Variants in NFIX observed in about 807,000 individuals in gnomAD.
The protein encoded by NFIX is nuclear factor I X, also known as nuclear factor 1 X-type.
In NFIX, 2 loss-of-function variants were observed where a neutral mutation model predicts 53.3. That is an observed-to-expected ratio of 0.04 (90% CI 0.02 to 0.12). The LOEUF is 0.12. Among genes scored for constraint, NFIX ranks in the 10% least tolerant of loss-of-function variants. NFIX has a pLI of 1.00. For missense variants in NFIX, 310 were observed against 674.5 expected (o/e 0.46, Z 5.99); for synonymous variants, 244 against 289.0 (o/e 0.84, Z 1.58).
At position 13,021,804 on chromosome 19, in the gene NFIX, G is replaced by T. The variant is rs1761469000; in HGVS notation, c.28-3217G>T. ...ACCCTTTCTGCTTGCTGTGAGGAAG[G>T]TCCCCAAGTGGAGGACCAGAGCAGG... is the stretch of plus-strand genomic sequence containing the variant. On this transcript the variant is annotated intron_variant, in intron 1 of 10. Transcript: ENST00000592199. This position sits in a 1 kb window ranked among gnomAD's most constrained non-coding sequence, Gnocchi z 4.2. Among the ~76,000 whole-genome samples, 1 of 152,082 alleles carries T rather than the reference G, an allele frequency of 6.6e-6. No individual in the cohort carries two copies. Among genetic ancestry groups the T allele is most frequent in the Non-Finnish European group, 1.5e-5 (1 of 67,998 alleles).
At chr19:13,050,214 C>G (rs2015244429) in intron 2 of NFIX, among the ~76,000 whole-genome samples, 1 of 152,250 alleles carries the variant, frequency 6.6e-6, no homozygotes. Context: ...TTCTTTACTT[C>G]TCCTATACTG....
chr19:13,071,188 G>A (rs1184273004), intron 2 of NFIX: 1 of 152,292 alleles, frequency 6.6e-6, no homozygotes, highest in South Asian at 2.1e-4. Flanking sequence ...TGGGTCCTGA[G>A]GTTGTGCCCT....
Position 13,059,283 on chromosome 19 carries a change from G to A in NFIX, c.560-13764G>A, listed in dbSNP as rs372522829. On this transcript the variant is annotated intron_variant, in intron 2 of 10. Coordinates refer to ENST00000592199, the MANE Select transcript of NFIX (RefSeq NM_001365902.3). ...CAGCCGCTGCTGCTCCCTGTGGGCAGGTGGCTGGGTCTGCGCCTGTCGCCT... is the reference window on the plus strand; with the variant it reads ...CAGCCGCTGCTGCTCCCTGTGGGCAAGTGGCTGGGTCTGCGCCTGTCGCCT... Among the ~76,000 whole-genome samples the A allele has an allele frequency of 2.2e-4, 33 of 152,334 alleles. No individual in the cohort carries two copies. In the South Asian group the frequency reaches 6.6e-3, roughly 31 times the overall value.
intron 8 of NFIX, among the ~76,000 whole-genome samples, chr19:13,085,613 T>C (rs546416425): frequency 9.8e-5 from 15 of 152,364 alleles, no homozygotes; most frequent in African/African-American, 3.6e-4. Context: ...TGCACAAAAG[T>C]TCTCCAGCCC....
rs2016389599 is a variant in NFIX at position 13,066,166 on chromosome 19, C to T, written c.560-6881C>T. On this transcript the variant is annotated intron_variant, in intron 2 of 10. Transcript: ENST00000592199. This position sits in a 1 kb window ranked among gnomAD's most constrained non-coding sequence, Gnocchi z 4.2. ...TGATGGACTTGCTTTCTCCTCGCTT[C>T]CCGAAGCCTTACTGCCGAGCTGTGA... Among the ~76,000 whole-genome samples the T allele has an allele frequency of 6.6e-6, 1 of 152,174 alleles. No homozygotes were observed.
At chr19:13,085,749 T>C (rs2017742477) in intron 8 of NFIX, among the ~76,000 whole-genome samples, 1 of 152,180 alleles carries the variant, frequency 6.6e-6, no homozygotes, top group African/African-American at 2.4e-5. Flanking sequence ...CAGACCTAGA[T>C]GCTGGTCATC....
rs1178355488 is a variant in NFIX at position 12,995,613 on chromosome 19, C to CGCGGCG, written c.-213_-208dup. 1 of 141,408 alleles carries CGCGGCG rather than the reference C, an allele frequency of 7.1e-6. No individual in the cohort carries two copies. Among genetic ancestry groups the CGCGGCG allele is most frequent in the Non-Finnish European group, 1.6e-5 (1 of 64,174 alleles). 8.8% of individuals were successfully genotyped at this position (141,408 alleles called of 1,614,324 possible). ...GGCGGACGCGAGAGGCAGCGGCGAG[C>CGCGGCG]GCGGCGGCGGCGGCGGCAGCGGCGG... On this transcript the variant is annotated 5_prime_UTR_variant, in exon 1 of 11. Coordinates refer to ENST00000592199, the MANE Select transcript of NFIX (RefSeq NM_001365902.3).
rs1161427402 is a variant in NFIX at position 13,078,620 on chromosome 19, T to A, written c.963T>A (p.Ala321=). 6.2e-7 allele frequency: 1 copy of A among 1,600,856 alleles called. No individual in the cohort carries two copies. The change falls in exon 7 of 11, where the codon GCT becomes GCA. Residue 321 remains alanine (A), a synonymous_variant. Transcript: ENST00000592199. This position sits in a 1 kb window ranked among gnomAD's most constrained non-coding sequence, Gnocchi z 4.7. The stretch of plus-strand genomic sequence containing the variant: ...GCTGCTTCCTCCCCCCAGGCCCGGC[T>A]TCTCTAAAGAAGTCAGGAAAGCTGG... ...GWPNDVDAGP[A]SLKKSGKLDF...
In NFIX at chr19:13,013,266, C is replaced by G. The variant is rs1360820968; in HGVS notation, c.28-11755C>G. On this transcript the variant is annotated intron_variant, in intron 1 of 10. Coordinates refer to ENST00000592199, the MANE Select transcript of NFIX (RefSeq NM_001365902.3). The surrounding 1 kb of genome is among the most constrained non-coding windows in gnomAD (Gnocchi z 5.9). ...AAAGAACGTGTGCGCCCAGCGGACC[C>G]GACTTAACCTGTTGGTGGAGGAGGA... Among the ~76,000 whole-genome samples, 1 of 152,048 alleles carries G rather than the reference C, an allele frequency of 6.6e-6. No homozygotes were observed. The highest frequency in any genetic ancestry group is 6.5e-5 in the Admixed American group (1 of 15,268).
intron 2 of NFIX, among the ~76,000 whole-genome samples, chr19:13,033,502 C>T (rs2013966850): frequency 6.6e-6 from 1 of 152,182 alleles, no homozygotes; most frequent in African/African-American, 2.4e-5. Context: ...CATGGCATGC[C>T]ACCACCACCC....
At position 13,036,993 on chromosome 19, in the gene NFIX, G is replaced by A. The variant is rs2014248019; in HGVS notation, c.559+11441G>A. ...AAGGGAGGAGGCAAATGGATAGGAA[G>A]CTTGAGTTGGGGGTGGGTGCTAAGC... On this transcript the variant is annotated intron_variant, in intron 2 of 10. Coordinates refer to ENST00000592199, the MANE Select transcript of NFIX (RefSeq NM_001365902.3). The surrounding 1 kb of genome is among the most constrained non-coding windows in gnomAD (Gnocchi z 4.7). Among the ~76,000 whole-genome samples, 1 of 152,184 alleles carries A rather than the reference G, an allele frequency of 6.6e-6. No homozygotes were observed.
chr19:13,036,868 G>C lies in NFIX; in HGVS notation c.559+11316G>C, dbSNP rs2014235756. Reference sequence around the variant, plus strand: ...TCAGCGGGCATGGTACCTAGTTAGGGGGTGGTAGGAGGGACCTGCGGCCCC... The same window carrying C: ...TCAGCGGGCATGGTACCTAGTTAGGCGGTGGTAGGAGGGACCTGCGGCCCC... On this transcript the variant is annotated intron_variant, in intron 2 of 10. Transcript: ENST00000592199. The surrounding 1 kb of genome is among the most constrained non-coding windows in gnomAD (Gnocchi z 4.7). 6.6e-6 allele frequency among the ~76,000 whole-genome samples: 1 copy of C among 152,128 alleles called. No individual in the cohort carries two copies. The highest frequency in any genetic ancestry group is 1.5e-5 in the Non-Finnish European group (1 of 68,026).
intron 2 of NFIX, among the ~76,000 whole-genome samples, chr19:13,063,759 G>A (rs774368851): frequency 2.6e-5 from 4 of 152,078 alleles, no homozygotes; most frequent in African/African-American, 7.2e-5. Context: ...TGTCCCAGGC[G>A]CATCCCTTGA....
At chr19:13,055,632 G>T (rs74558270) in intron 2 of NFIX, among the ~76,000 whole-genome samples, 2 of 151,970 alleles carry the variant, frequency 1.3e-5, no homozygotes, top group African/African-American at 4.8e-5. Flanking sequence ...GGCTGGGGGA[G>T]GGGGGGGTCT....
rs2018545588 is a variant in NFIX at position 13,097,729 on chromosome 19, C to G, written c.*3080C>G. ...CCCCTCCCTCCCTCCCTCTCCGCCC[C>G]GAGCGCCCTTCTTTGAGCCAGACGC... is the stretch of plus-strand genomic sequence containing the variant. On this transcript the variant is annotated 3_prime_UTR_variant, in exon 11 of 11. Coordinates refer to ENST00000592199, the MANE Select transcript of NFIX (RefSeq NM_001365902.3). 2 of 151,994 alleles carry G rather than the reference C, an allele frequency of 1.3e-5. No homozygotes were observed. Among genetic ancestry groups the G allele is most frequent in the Non-Finnish European group, 2.9e-5 (2 of 67,852 alleles). 9.4% of individuals were successfully genotyped at this position (151,994 alleles called of 1,614,324 possible).
intron 1 of NFIX, among the ~76,000 whole-genome samples, chr19:13,016,981 G>A (rs1300296615): frequency 1.3e-5 from 2 of 152,030 alleles, no homozygotes; most frequent in African/African-American, 2.4e-5. Flanking sequence ...CAAACTGAAA[G>A]GACTAGTGAA....
At chr19:13,084,877 C>T (rs2145488955) in intron 8 of NFIX, among the ~76,000 whole-genome samples, 1 of 152,100 alleles carries the variant, frequency 6.6e-6, no homozygotes, top group South Asian at 2.1e-4. Flanking sequence ...CGAGACCAGC[C>T]TGACCAACAT....
chr19:13,077,238 GCT>G (rs2017163218), intron 6 of NFIX, among the ~76,000 whole-genome samples: 2 of 152,120 alleles, frequency 1.3e-5, no homozygotes, highest in Admixed American at 1.3e-4. Flanking sequence ...CCTGGCTCCT[GCT>G]CTCTCCTTTC....
In NFIX at chr19:13,004,915, C is replaced by G. The variant is rs139014884; in HGVS notation, c.27+9051C>G. ...CACTGCAACCTTGGCCTCCCAGGCTCAAGCAATTCTCATGCCTCAGCCTCC... is the reference window on the plus strand; with the variant it reads ...CACTGCAACCTTGGCCTCCCAGGCTGAAGCAATTCTCATGCCTCAGCCTCC... On this transcript the variant is annotated intron_variant, in intron 1 of 10. Transcript: ENST00000592199. 4.7e-3 allele frequency among the ~76,000 whole-genome samples: 713 copies of G among 152,056 alleles called. 3 individuals carry two copies. Among genetic ancestry groups the G allele is most frequent in the Non-Finnish European group, 8.1e-3 (553 of 67,998 alleles).
Sources: allele counts gnomAD v4.1 joint callset (sites outside exome capture counted in the v4.1 genomes callset), GRCh38; gene constraint gnomAD v4.1.1; non-coding constraint Gnocchi (gnomAD v3.1); transcripts MANE v1.5; gene names NCBI Gene and HGNC (gene_info 2026-07-23, HGNC 2026-07-21).